The following ATG16L2 variants were observed in gnomAD, a reference collection of about 807,000 sequenced individuals.
ATG16L2 encodes autophagy related 16 like 2.
In ATG16L2, 77 loss-of-function variants were observed where a neutral mutation model predicts 84.7. The ratio of observed to expected loss-of-function variants is 0.91; its 90% CI spans 0.76 to 1.10. ATG16L2 has a LOEUF of 1.10. Among genes scored for constraint, ATG16L2 ranks in the 50% least tolerant of loss-of-function variants. The probability of loss-of-function intolerance (pLI) is 0.00; values close to 1 mark genes in which losing one functional copy is unlikely to be tolerated. For missense variants in ATG16L2, 782 were observed against 817.6 expected (o/e 0.96, Z 0.53); for synonymous variants, 361 against 342.8 (o/e 1.05, Z -0.59).
At chr11:72,824,667 A>AG (rs1860228971) in intron 8 of ATG16L2, 67 bp from the exon 9 acceptor site, 1 of 1,142,896 alleles carries the variant, frequency 8.7e-7, no homozygotes, top group Non-Finnish European at 1.3e-6. Flanking sequence ...GCCTCAGGGG[A>AG]GCTGGAGGCT....
chr11:72,839,645 G>A (rs1000091446), intron 5 of ATG16L2, among the ~76,000 whole-genome samples: 2 of 152,074 alleles, frequency 1.3e-5, no homozygotes, highest in Admixed American at 6.6e-5. Context: ...AGTAGGATGG[G>A]GGTTCCATTT....
Position 72,821,648 on chromosome 11 carries a change from G to A in ATG16L2, c.319-20G>A. 6.5e-7 allele frequency: 1 copy of A among 1,530,076 alleles called. No individual in the cohort carries two copies. The highest frequency in any genetic ancestry group is 8.7e-7 in the Non-Finnish European group (1 of 1,142,984). 94.8% of individuals were successfully genotyped at this position (1,530,076 alleles called of 1,614,324 possible). A position where few individuals can be genotyped will look rare whatever the true frequency, so the allele number is the denominator to read the frequency against. ...CCTGGAGGGGCCTCAGCGCCGCCGT[G>A]CCCACCTGTCCGCCCCCAGATGGCC... On this transcript the variant is annotated intron_variant, in intron 3 of 17. Transcript: ENST00000321297.
At chr11:72,817,892 A>T (rs750742456) in intron 3 of ATG16L2, 37 bp downstream of exon 3, 1 of 1,562,060 alleles carries the variant, frequency 6.4e-7, no homozygotes, top group Non-Finnish European at 8.7e-7. Context: ...GGGTAGAGAG[A>T]TGTGGTCCAA....
intron 5 of ATG16L2, chr11:72,838,830 T>C (rs762680972): frequency 6.2e-7 from 1 of 1,608,362 alleles, no homozygotes; most frequent in African/African-American, 1.3e-5. Context: ...TCTTCTCTGC[T>C]GGCCTTCGGT....
Position 72,821,742 on chromosome 11 carries a change from G to A in ATG16L2, c.392+1G>A. On this transcript the variant is annotated splice_donor_variant, in intron 4 of 17. Coordinates refer to ENST00000321297, the MANE Select transcript of ATG16L2 (RefSeq NM_033388.2). LOFTEE classifies it high-confidence loss of function. ...CGGAGCTGCAGCAGAGGCAAAGCAG[G>A]TGAGGCGCGGGCGGGGGCGGGAGGG... The A allele has an allele frequency of 6.5e-7, 1 of 1,536,112 alleles. No homozygotes were observed. The highest frequency in any genetic ancestry group is 8.7e-7 in the Non-Finnish European group (1 of 1,145,866).
At chr11:72,839,782 C>G (rs1279018168) in intron 5 of ATG16L2, among the ~76,000 whole-genome samples, 1 of 152,044 alleles carries the variant, frequency 6.6e-6, no homozygotes, top group African/African-American at 2.4e-5. Flanking sequence ...GAGAAGAGAT[C>G]GGATTGGCAG....
intron 11 of ATG16L2, 128 bp from the exon 12 acceptor site, chr11:72,826,390 G>T: frequency 6.9e-7 from 1 of 1,445,668 alleles, no homozygotes; most frequent in Non-Finnish European, 9.5e-7. Context: ...CCTTGGGCCG[G>T]AGGCTCCTTT....
chr11:72,822,683 C>A lies in ATG16L2; in HGVS notation c.710+140C>A. ...GTGGTCGGAGCCCACGAGACACCTG[C>A]AGAGGACCGTGTGGTCGTAGGAGCC... On this transcript the variant is annotated intron_variant, in intron 6 of 17. Transcript: ENST00000321297. The surrounding 1 kb of genome is among the most constrained non-coding windows in gnomAD (Gnocchi z 4.2). 1 of 1,195,622 alleles carries A rather than the reference C, an allele frequency of 8.4e-7. No homozygotes were observed. The highest frequency in any genetic ancestry group is 1.2e-6 in the Non-Finnish European group (1 of 849,196). 74.1% of individuals were successfully genotyped at this position (1,195,622 alleles called of 1,614,324 possible).
At chr11:72,843,019 G>C in exon 6 of ATG16L2, 1 of 960,666 alleles carries the variant, frequency 1.0e-6, no homozygotes, top group South Asian at 1.6e-5. Context: ...GGACAAACGT[G>C]ACCATATAAA....
exon 6 of ATG16L2, chr11:72,843,657 A>C (rs1000148970): frequency 1.6e-5 from 11 of 673,254 alleles, no homozygotes; most frequent in Non-Finnish European, 2.6e-5. Context: ...TGAACATAAA[A>C]ATTTAAATGC....
At chr11:72,831,948 G>C (rs1860616038), downstream of ATG16L2, among the ~76,000 whole-genome samples, 1 of 152,148 alleles carries the variant, frequency 6.6e-6, no homozygotes, top group Non-Finnish European at 1.5e-5. Context: ...CCTCCCCCAG[G>C]GTGTGTGTGC....
chr11:72,823,784 A>C, intron 7 of ATG16L2: 1 of 565,224 alleles, frequency 1.8e-6, no homozygotes. Context: ...TCAGCTTCCC[A>C]GGAACTTTTG....
Position 72,822,936 on chromosome 11 carries a change from T to C in ATG16L2, c.799T>C (p.Cys267Arg). 1 of 1,573,530 alleles carries C rather than the reference T, an allele frequency of 6.4e-7. No individual in the cohort carries two copies. The highest frequency in any genetic ancestry group is 8.6e-7 in the Non-Finnish European group (1 of 1,158,864). ...GCCAGAGCCCCTGGAGAAGGAAGCT[T>C]GTGAGAAGTGGAAGAGGCCCTTCAG... The part of the protein sequence containing the change: ...PEPEPLEKEA[C>R]EKWKRPFRSA... The change falls in exon 7 of 18, where the codon TGT becomes CGT. Residue 267 changes from cysteine (C) to arginine (R), a missense_variant. Cys to Arg is a radical substitution (Grantham distance 180). Transcript: ENST00000321297. The surrounding 1 kb of genome is among the most constrained non-coding windows in gnomAD (Gnocchi z 4.2).
rs753432918 is a variant in ATG16L2, at chr11:72,824,167, C to T, written c.887+45C>T. The T allele has an allele frequency of 6.8e-6, 11 of 1,611,512 alleles. No homozygotes were observed. In the South Asian group the frequency reaches 1.2e-4, roughly 18 times the overall value. The stretch of plus-strand genomic sequence containing the variant: ...TGTGTGCACCCACGTGTGTGTCGGG[C>T]TCCCCAGCCCAGGCTTGGTCTGTGT... On this transcript the variant is annotated intron_variant, in intron 8 of 17. Transcript: ENST00000321297.
At position 72,814,499 on chromosome 11, in the gene ATG16L2, C is replaced by T. The variant is rs912885873; in HGVS notation, c.54C>T (p.Ile18=). 4 of 1,545,894 alleles carry T rather than the reference C, an allele frequency of 2.6e-6. No homozygotes were observed. The Admixed American group carries it at 7.8e-5, about 30-fold the overall frequency. The change falls in exon 1 of 18, where the codon ATC becomes ATT. Residue 18 remains isoleucine (I), a synonymous_variant. Coordinates refer to ENST00000321297, the MANE Select transcript of ATG16L2 (RefSeq NM_033388.2). ...GAPAARWKRH[I]VRQLRLRDRT... The stretch of plus-strand genomic sequence containing the variant: ...CCGCAGCGCGCTGGAAACGCCACAT[C>T]GTGCGGCAGCTGCGGCTTCGGGACC...
At chr11:72,816,678 G>C in intron 1 of ATG16L2, 50 bp from the exon 2 acceptor site, 1 of 1,445,820 alleles carries the variant, frequency 6.9e-7, no homozygotes, top group Non-Finnish European at 9.7e-7. Flanking sequence ...ATGCCAGGGG[G>C]CTGCTGGGTA....
intron 5 of ATG16L2, among the ~76,000 whole-genome samples, chr11:72,836,306 G>A (rs771249004): frequency 2.0e-5 from 3 of 152,162 alleles, no homozygotes; most frequent in African/African-American, 4.8e-5. Context: ...TCCTTAGGGT[G>A]GAGGTTTAGG....
chr11:72,829,222 C>T (rs1263839262), intron 17 of ATG16L2, 81 bp from the exon 18 acceptor site: 1 of 1,480,798 alleles, frequency 6.8e-7, no homozygotes, highest in East Asian at 2.4e-5. Flanking sequence ...TCAAACTACC[C>T]AGGTCCAGCA....
intron 5 of ATG16L2, among the ~76,000 whole-genome samples, chr11:72,840,266 T>C (rs1458328639): frequency 6.6e-6 from 1 of 152,160 alleles, no homozygotes. Flanking sequence ...TCAATACATA[T>C]TTGCTGAATG....
Sources: gnomAD v4.1 joint callset for allele counts (sites outside exome capture counted in the v4.1 genomes callset) on GRCh38, gnomAD v4.1.1 for gene constraint, Gnocchi (gnomAD v3.1) non-coding constraint, MANE v1.5 for transcripts, NCBI Gene and HGNC (gene_info 2026-07-23, HGNC 2026-07-21) for gene names.